Variants in FOCAD observed in about 807,000 individuals in gnomAD.
FOCAD encodes focadhesin.
A neutral mutation model predicts 225.6 loss-of-function variants in FOCAD; 198 were observed. The observed-to-expected ratio is 0.88, with a 90% confidence interval of 0.78 to 0.99. The LOEUF (loss-of-function observed/expected upper bound fraction) is 0.99. Among genes scored for constraint, FOCAD ranks in the 50% least tolerant of loss-of-function variants. The pLI is 0.00. For synonymous variants in FOCAD, 897 were observed against 755.0 expected (o/e 1.19, Z -3.08); for missense variants, 2,713 against 2,123.6 (o/e 1.28, Z -5.46).
At chr9:20,721,280 C>A (rs1172640167) in intron 4 of FOCAD, among the ~76,000 whole-genome samples, 4 of 152,164 alleles carry the variant, frequency 2.6e-5, no homozygotes, top group Non-Finnish European at 5.9e-5. Context: ...ACCAAGCCTC[C>A]CTCCTCCTTG....
rs117099446 is a variant in FOCAD, at chr9:20,762,915, G to A, written c.495-1954G>A. Among the ~76,000 whole-genome samples the A allele has an allele frequency of 1.7e-3, 264 of 152,196 alleles. 2 individuals carry two copies. The East Asian group carries it at 0.043, about 25-fold the overall frequency. ...TTAGCTCCCACTCTTAAATGAGAAC[G>A]GTCAAGCATAATTTAAATACCGTTT... On this transcript the variant is annotated intron_variant, in intron 6 of 43. Transcript: ENST00000338382.
chr9:20,706,297 TG>T (rs1200438018), intron 1 of FOCAD, among the ~76,000 whole-genome samples: 2 of 152,134 alleles, frequency 1.3e-5, no homozygotes, highest in Non-Finnish European at 2.9e-5. Flanking sequence ...AGTTCTGACT[TG>T]GAATTTCCTG....
In FOCAD at chr9:20,912,900, A is replaced by C; in HGVS notation, c.2753A>C (p.His918Pro). ...GGAGAGCTGGAGTTGCAGTTAAAAC[A>C]TGGAAAAGAAGAACCTGAGGAGGTG... ...RLGELELQLK[H>P]GKEEPEEVQY... Residue 918 changes from histidine to proline, a missense_variant, in exon 23 of 44, where the codon CAT (histidine) becomes CCT (proline). Coordinates refer to ENST00000338382, the MANE Select transcript of FOCAD (RefSeq NM_001375567.1). 1.2e-6 allele frequency: 2 copies of C among 1,613,414 alleles called. No individual in the cohort carries two copies. The highest frequency in any genetic ancestry group is 1.7e-6 in the Non-Finnish European group (2 of 1,179,604).
intron 1 of FOCAD, among the ~76,000 whole-genome samples, chr9:20,713,449 C>G (rs923551835): frequency 3.9e-5 from 6 of 152,180 alleles, no homozygotes; most frequent in South Asian, 2.1e-4. Flanking sequence ...AGAGACTGAC[C>G]TGGACTACCA....
intron 13 of FOCAD, 119 bp from the exon 14 acceptor site, chr9:20,820,822 G>A: frequency 4.6e-6 from 5 of 1,092,100 alleles, no homozygotes; most frequent in South Asian, 1.5e-5. Flanking sequence ...TTAGAAGAAC[G>A]ACAGTATAAT....
chr9:20,736,817 T>C (rs1299166287), intron 4 of FOCAD, among the ~76,000 whole-genome samples: 1 of 152,144 alleles, frequency 6.6e-6, no homozygotes, highest in Non-Finnish European at 1.5e-5. Context: ...AGGCATTAAG[T>C]GACTTGCCTA....
At chr9:20,850,106 C>T (rs1407006634) in intron 15 of FOCAD, among the ~76,000 whole-genome samples, 1 of 151,392 alleles carries the variant, frequency 6.6e-6, no homozygotes, top group Non-Finnish European at 1.5e-5. Context: ...AATGATGCAA[C>T]TCAAAATTTA....
chr9:20,937,134 G>A lies in FOCAD; in HGVS notation c.3407+4031G>A, dbSNP rs573489049. 1.2e-4 allele frequency among the ~76,000 whole-genome samples: 18 copies of A among 150,044 alleles called. No individual in the cohort carries two copies. In the South Asian group the frequency reaches 1.5e-3, roughly 13 times the overall value. Reference sequence around the variant, plus strand: ...CTCATGGGTAGGAAGAATCAATATCGTGAAAATGGCCATACTGCCCAAGGT... The same window carrying A: ...CTCATGGGTAGGAAGAATCAATATCATGAAAATGGCCATACTGCCCAAGGT... On this transcript the variant is annotated intron_variant, in intron 28 of 43. Transcript: ENST00000338382.
At chr9:20,668,178 A>G (rs1821950893) in intron 2 of FOCAD, among the ~76,000 whole-genome samples, 1 of 152,200 alleles carries the variant, frequency 6.6e-6, no homozygotes, top group South Asian at 2.1e-4. Context: ...TGTAATGACA[A>G]ATTTCCCTTT....
At chr9:20,974,645 G>A (rs57611626) in intron 35 of FOCAD, among the ~76,000 whole-genome samples, 2 of 143,362 alleles carry the variant, frequency 1.4e-5, no homozygotes, top group East Asian at 2.0e-4. Flanking sequence ...CTGTTTTCAC[G>A]TTTGCTGACT....
At position 20,976,243 on chromosome 9, in the gene FOCAD, G is replaced by A. The variant is rs753993840; in HGVS notation, c.4133-177G>A. On this transcript the variant is annotated intron_variant, in intron 35 of 43. Transcript: ENST00000338382. ...TTTTAAAAAGAGAAGAACAGAGGGA[G>A]CAAGCTTTTCTGGCAAATGGAGTTG... 29 of 471,660 alleles carry A rather than the reference G, an allele frequency of 6.1e-5. No individual in the cohort carries two copies. The Admixed American group carries it at 7.0e-4, about 11-fold the overall frequency. 29.2% of individuals were successfully genotyped at this position (471,660 alleles called of 1,614,324 possible).
chr9:20,910,383 A>C (rs1833342365), intron 22 of FOCAD, among the ~76,000 whole-genome samples: 1 of 152,094 alleles, frequency 6.6e-6, no homozygotes. Flanking sequence ...TTTTTCATGA[A>C]TTGGCCAGCT....
In FOCAD at chr9:20,983,148, A is replaced by T. The variant is rs555909931; in HGVS notation, c.4728+702A>T. On this transcript the variant is annotated intron_variant, in intron 39 of 43. Transcript: ENST00000338382. ...CATCAGCATCGCCTTGGAAATGATTAGAAATGTGAGTTCTTGAGCCCCCAT... is the reference window on the plus strand; with the variant it reads ...CATCAGCATCGCCTTGGAAATGATTTGAAATGTGAGTTCTTGAGCCCCCAT... 1.1e-4 allele frequency among the ~76,000 whole-genome samples: 17 copies of T among 152,344 alleles called. No homozygotes were observed. In the South Asian group the frequency reaches 3.5e-3, roughly 32 times the overall value.
chr9:20,734,618 A>G (rs1826982146), intron 4 of FOCAD, among the ~76,000 whole-genome samples: 1 of 152,074 alleles, frequency 6.6e-6, no homozygotes, highest in Non-Finnish European at 1.5e-5. Flanking sequence ...CTTCCTCTTT[A>G]AAAGATAACA....
intron 15 of FOCAD, among the ~76,000 whole-genome samples, chr9:20,834,739 G>C (rs1307543246): frequency 6.6e-6 from 1 of 152,026 alleles, no homozygotes; most frequent in African/African-American, 2.4e-5. Flanking sequence ...GAAAGGGACA[G>C]GAGGAAATTT....
chr9:20,834,643 T>G (rs1343722152), intron 15 of FOCAD, among the ~76,000 whole-genome samples: 1 of 152,060 alleles, frequency 6.6e-6, no homozygotes, highest in Non-Finnish European at 1.5e-5. Flanking sequence ...TCCTTCCTTA[T>G]GAACTTCAGG....
chr9:20,921,127 C>T, intron 24 of FOCAD, among the ~76,000 whole-genome samples: 1 of 151,770 alleles, frequency 6.6e-6, no homozygotes, highest in East Asian at 1.9e-4. Context: ...ACGTATAAAA[C>T]CTGATGATTG....
Position 20,926,582 on chromosome 9 carries a change from G to A in FOCAD, c.3078+165G>A, listed in dbSNP as rs1013901252. On this transcript the variant is annotated intron_variant, in intron 26 of 43. Transcript: ENST00000338382. ...GCGGATCACCTGAGGTTGGGAGTTC[G>A]AGACCAGCCTGACCAACATGGAGAA... 5.9e-5 allele frequency among the ~76,000 whole-genome samples: 9 copies of A among 152,182 alleles called. 1 individual carries two copies. The South Asian group carries it at 1.9e-3, about 32-fold the overall frequency.
At chr9:20,738,147 C>G (rs1434876991) in intron 4 of FOCAD, among the ~76,000 whole-genome samples, 2 of 152,160 alleles carry the variant, frequency 1.3e-5, no homozygotes. Context: ...TTTTCCTAAG[C>G]TCTGGCATAA....
Sources: allele counts gnomAD v4.1 joint callset (sites outside exome capture counted in the v4.1 genomes callset), GRCh38; gene constraint gnomAD v4.1.1; transcripts MANE v1.5; gene names NCBI Gene and HGNC (gene_info 2026-07-23, HGNC 2026-07-21).